The following PM20D1 variants were observed in gnomAD, a reference collection of about 807,000 sequenced individuals.
PM20D1 encodes the protein N-fatty-acyl-amino acid synthase/hydrolase PM20D1.
A neutral mutation model predicts 53.8 loss-of-function variants in PM20D1; 53 were observed. The ratio of observed to expected loss-of-function variants is 0.98; its 90% CI spans 0.79 to 1.24. The LOEUF (loss-of-function observed/expected upper bound fraction) is 1.24, where lower values mean the gene tolerates loss of function less well. Among genes scored for constraint, PM20D1 ranks in the 50% most tolerant of loss-of-function variants. The pLI is 0.00. For synonymous variants in PM20D1, 239 were observed against 241.3 expected (o/e 0.99, Z 0.09); for missense variants, 564 against 616.8 (o/e 0.91, Z 0.91).
At chr1:205,828,833 C>T (rs1656497967) in intron 12 of PM20D1, 90 bp from the exon 13 acceptor site, 2 of 1,512,912 alleles carry the variant, frequency 1.3e-6, no homozygotes, top group Non-Finnish European at 1.8e-6. Flanking sequence ...TTACTTCCCT[C>T]ACCAACCCGG....
At chr1:205,833,105 C>G (rs570809310) in intron 10 of PM20D1, among the ~76,000 whole-genome samples, 1 of 152,346 alleles carries the variant, frequency 6.6e-6, no homozygotes, top group South Asian at 2.1e-4. Flanking sequence ...GGAAAATTGA[C>G]TACTGGGTCA....
chr1:205,845,869 G>A (rs921591672), intron 2 of PM20D1, among the ~76,000 whole-genome samples: 9 of 152,016 alleles, frequency 5.9e-5, no homozygotes, highest in African/African-American at 1.4e-4. Flanking sequence ...GATCACCTGA[G>A]GTCAGGAGTT....
At chr1:205,830,680 T>A (rs905249847) in intron 11 of PM20D1, among the ~76,000 whole-genome samples, 4 of 151,630 alleles carry the variant, frequency 2.6e-5, no homozygotes, top group African/African-American at 9.7e-5. Flanking sequence ...CTTCATTTCA[T>A]ACCCAAGGCC....
At chr1:205,841,557 G>A (rs1352356634) in intron 9 of PM20D1, among the ~76,000 whole-genome samples, 2 of 152,250 alleles carry the variant, frequency 1.3e-5, no homozygotes, top group South Asian at 2.1e-4. Context: ...TTATATACCC[G>A]ATTACTAGAG....
chr1:205,832,871 G>T, intron 10 of PM20D1, 105 bp from the exon 11 acceptor site: 2 of 1,307,466 alleles, frequency 1.5e-6, no homozygotes, highest in Non-Finnish European at 2.1e-6. Flanking sequence ...GAGCCTCAGG[G>T]TTTACAGACA....
intron 1 of PM20D1, 102 bp from the exon 2 acceptor site, chr1:205,848,073 T>C (rs576104037): frequency 3.7e-6 from 4 of 1,068,030 alleles, no homozygotes; most frequent in African/African-American, 1.6e-5. Context: ...CATTATCATA[T>C]TGCAGAGGGC....
At chr1:205,846,401 A>C (rs996741150) in intron 2 of PM20D1, among the ~76,000 whole-genome samples, 6 of 152,180 alleles carry the variant, frequency 3.9e-5, no homozygotes, top group East Asian at 3.9e-4. Context: ...AAAAAGACTC[A>C]CTATTAAGAT....
chr1:205,840,409 T>G, intron 9 of PM20D1, 86 bp from the exon 10 acceptor site: 1 of 1,274,610 alleles, frequency 7.8e-7, no homozygotes, highest in Non-Finnish European at 1.1e-6. Flanking sequence ...TTTCCTCAGC[T>G]CAGGCAGAGT....
intron 10 of PM20D1, among the ~76,000 whole-genome samples, chr1:205,832,975 A>G (rs1217852587): frequency 6.6e-6 from 1 of 152,184 alleles, no homozygotes; most frequent in Non-Finnish European, 1.5e-5. Context: ...AACCTACAGC[A>G]TGATAGATTT....
intron 1 of PM20D1, among the ~76,000 whole-genome samples, chr1:205,848,936 T>C (rs1019448105): frequency 6.6e-6 from 1 of 152,182 alleles, no homozygotes. Context: ...TGCTATGAGG[T>C]CCCTATTCTA....
rs752211395 is a variant in PM20D1, at chr1:205,845,412, T to A, written c.402A>T (p.Glu134Asp). ...AHFDVVPAPE[E>D]GWEVPPFSGL... ...CAGAGAATGGGGGCACCTCCCAGCC[T>A]TCTTCAGGGGCAGGCACCACATCAA... Residue 134 changes from glutamate (E) to aspartate (D), a missense_variant, in exon 3 of 13, where the codon GAA becomes GAT. By Grantham distance (45) the Glu-to-Asp change is conservative. Coordinates refer to ENST00000367136, the MANE Select transcript of PM20D1 (RefSeq NM_152491.5). The A allele has an allele frequency of 6.2e-7, 1 of 1,614,178 alleles. No homozygotes were observed. Among genetic ancestry groups the A allele is most frequent in the Non-Finnish European group, 8.5e-7 (1 of 1,180,040 alleles).
intron 3 of PM20D1, 37 bp from the exon 4 acceptor site, chr1:205,844,934 GTTAT>G: frequency 6.4e-7 from 1 of 1,568,146 alleles, no homozygotes; most frequent in South Asian, 1.1e-5. Context: ...GGAAAAAGAC[GTTAT>G]TTAGGTGGGA....
intron 9 of PM20D1, among the ~76,000 whole-genome samples, chr1:205,841,584 T>G (rs1656808739): frequency 6.6e-6 from 1 of 152,208 alleles, no homozygotes; most frequent in Non-Finnish European, 1.5e-5. Context: ...AAGGTCACAT[T>G]GTACTCTAGG....
chr1:205,839,646 C>G (rs1417453373), intron 10 of PM20D1, among the ~76,000 whole-genome samples: 2 of 151,896 alleles, frequency 1.3e-5, no homozygotes, highest in Non-Finnish European at 2.9e-5. Context: ...GAGATCAAGA[C>G]CACTCTGGCT....
At chr1:205,841,305 A>G (rs1656802021) in intron 9 of PM20D1, among the ~76,000 whole-genome samples, 12 of 152,226 alleles carry the variant, frequency 7.9e-5, no homozygotes. Flanking sequence ...GGTCAGGGAC[A>G]GAGCTGGGCT....
At chr1:205,848,039 G>A (rs1657032765) in intron 1 of PM20D1, 68 bp from the exon 2 acceptor site, 10 of 1,487,234 alleles carry the variant, frequency 6.7e-6, no homozygotes, top group Non-Finnish European at 9.3e-7. Flanking sequence ...ACAGTCCTCT[G>A]TGCACAAAAA....
intron 7 of PM20D1, 62 bp from the exon 8 acceptor site, chr1:205,842,277 C>A: frequency 6.9e-7 from 1 of 1,447,274 alleles, no homozygotes; most frequent in African/African-American, 1.4e-5. Flanking sequence ...TCTCTGAGAC[C>A]TGAGTCTCTC....
At chr1:205,836,410 C>T (rs1656175811) in intron 10 of PM20D1, among the ~76,000 whole-genome samples, 1 of 152,192 alleles carries the variant, frequency 6.6e-6, no homozygotes, top group Non-Finnish European at 1.5e-5. Flanking sequence ...TTTCCAGTGG[C>T]AGAAAGCTCG....
chr1:205,834,074 C>T (rs1656629540), intron 10 of PM20D1, among the ~76,000 whole-genome samples: 1 of 151,758 alleles, frequency 6.6e-6, no homozygotes, highest in Non-Finnish European at 1.5e-5. Flanking sequence ...TCTCAAACTC[C>T]TGACCTCAAG....
Sources: allele counts gnomAD v4.1 joint callset (sites outside exome capture counted in the v4.1 genomes callset), GRCh38; gene constraint gnomAD v4.1.1; transcripts MANE v1.5; gene names NCBI Gene and HGNC (gene_info 2026-07-23, HGNC 2026-07-21).